The following P2RY8 variants were observed in gnomAD, a reference collection of about 807,000 sequenced individuals.
P2RY8 encodes P2Y receptor family member 8.
A neutral mutation model predicts 10.0 loss-of-function variants in P2RY8; 6 were observed. The ratio of observed to expected loss-of-function variants is 0.60; its 90% confidence interval spans 0.33 to 1.19. The LOEUF (loss-of-function observed/expected upper bound fraction) is 1.19. Among genes scored for constraint, P2RY8 ranks in the 50% most tolerant of loss-of-function variants. P2RY8 has a pLI of 0.04. For synonymous variants in P2RY8, 276 were observed against 252.5 expected (o/e 1.09, Z -0.88); for missense variants, 456 against 542.0 (o/e 0.84, Z 1.58).
rs2091619206 is a variant in P2RY8, at chrX:1,463,655, T to G, written c.*1824A>C. The G allele has an allele frequency of 4.3e-6, 1 of 231,896 alleles. No individual in the cohort carries two copies. Among genetic ancestry groups the G allele is most frequent in the Non-Finnish European group, 8.5e-6 (1 of 117,430 alleles). 14.4% of individuals were successfully genotyped at this position (231,896 alleles called of 1,614,324 possible). Reference sequence around the variant, plus strand: ...TCTGGGCTTTAAAACAAGACATGTCTTTCTGGGGCAACTGTTTAGTGCACT... The same window carrying G: ...TCTGGGCTTTAAAACAAGACATGTCGTTCTGGGGCAACTGTTTAGTGCACT... On this transcript the variant is annotated 3_prime_UTR_variant, in exon 2 of 2. Coordinates refer to ENST00000381297, the MANE Select transcript of P2RY8 (RefSeq NM_178129.5).
rs774686262 is a variant in P2RY8, at chrX:1,466,099, C to A, written c.460G>T (p.Ala154Ser). Residue 154 changes from alanine to serine, a missense_variant, in exon 2 of 2, where the codon GCC (alanine) becomes TCC (serine). By Grantham distance (99) the Ala-to-Ser change is moderately conservative (BLOSUM62 1). Transcript: ENST00000381297. Reference sequence around the variant, plus strand: ...TCGGTGCGCGCCAGCGGGGACAGGGCGGTCAGGAGCAGCAGCCAGGTCCCT... The same window carrying A: ...TCGGTGCGCGCCAGCGGGGACAGGGAGGTCAGGAGCAGCAGCCAGGTCCCT... Reference protein sequence around the residue: ...CAGTWLLLLTALSPLARTDLT... With the variant: ...CAGTWLLLLTSLSPLARTDLT... 3.1e-6 allele frequency: 5 copies of A among 1,611,570 alleles called. No individual in the cohort carries two copies. Among genetic ancestry groups the A allele is most frequent in the South Asian group, 1.1e-5 (1 of 90,968 alleles).
In P2RY8 at chrX:1,532,411, TATG is replaced by T. The variant is rs1367631844; in HGVS notation, c.-25+4507_-25+4509del. Among the ~76,000 whole-genome samples the T allele has an allele frequency of 4.4e-5, 6 of 135,260 alleles. 1 individual carries two copies. The highest frequency in any genetic ancestry group is 1.5e-4 in the African/African-American group (6 of 39,642). The allele number at this position is 135,260 out of a possible 152,430, so 88.7% of individuals were successfully genotyped here. ...ATATGCACATATATGTATATATGTA[TATG>T]ATGTGTATATATACACATATATGTA... On this transcript the variant is annotated intron_variant, in intron 1 of 1. Coordinates refer to ENST00000381297, the MANE Select transcript of P2RY8 (RefSeq NM_178129.5).
chrX:1,522,756 G>C (rs1348695802), intron 1 of P2RY8, among the ~76,000 whole-genome samples: 4 of 151,920 alleles, frequency 2.6e-5, no homozygotes, highest in African/African-American at 9.7e-5. Context: ...GGGCAACAGA[G>C]CAAGACTCTG....
At chrX:1,531,698 A>G (rs1188728640) in intron 1 of P2RY8, among the ~76,000 whole-genome samples, 2 of 152,120 alleles carry the variant, frequency 1.3e-5, no homozygotes, top group Non-Finnish European at 2.9e-5. Flanking sequence ...CTGCTTCCAC[A>G]AAGTCCCTCT....
intron 1 of P2RY8, among the ~76,000 whole-genome samples, chrX:1,530,393 T>C (rs1261727050): frequency 1.3e-5 from 2 of 151,782 alleles, no homozygotes; most frequent in African/African-American, 4.8e-5. Flanking sequence ...CTATCATCTA[T>C]CTCTCTAATC....
chrX:1,484,021 C>G (rs1274722750), intron 1 of P2RY8, among the ~76,000 whole-genome samples: 1 of 150,520 alleles, frequency 6.6e-6, no homozygotes, highest in Non-Finnish European at 1.5e-5. Flanking sequence ...CAACTCAAAG[C>G]TGGGCTCCCT....
intron 1 of P2RY8, among the ~76,000 whole-genome samples, chrX:1,508,406 G>A (rs1356860160): frequency 1.2e-4 from 18 of 152,130 alleles, no homozygotes; most frequent in Admixed American, 9.8e-4. Context: ...TACACTGCAC[G>A]GGACGGCCCT....
chrX:1,470,357 CA>C (rs1195352051), intron 1 of P2RY8, among the ~76,000 whole-genome samples: 1 of 151,822 alleles, frequency 6.6e-6, no homozygotes, highest in Non-Finnish European at 1.5e-5. Context: ...ACTAAAAATA[CA>C]AAAAAAATTA....
intron 1 of P2RY8, among the ~76,000 whole-genome samples, chrX:1,522,661 C>T (rs1481582037): frequency 6.6e-6 from 1 of 152,090 alleles, no homozygotes; most frequent in Non-Finnish European, 1.5e-5. Context: ...ATCCCAGCTA[C>T]TTGGGAGGCT....
intron 1 of P2RY8, among the ~76,000 whole-genome samples, chrX:1,514,323 T>C (rs1170118255): frequency 7.2e-6 from 1 of 139,446 alleles, no homozygotes; most frequent in Non-Finnish European, 1.6e-5. Context: ...TCCTTTCCTT[T>C]CCATTTCTTT....
Position 1,464,274 on chromosome X carries a change from AC to A in P2RY8, c.*1204del, listed in dbSNP as rs1465686763. On this transcript the variant is annotated 3_prime_UTR_variant, in exon 2 of 2. Transcript: ENST00000381297. ...GAGTCAGAGCTCTTCTTTGCGCTAA[AC>A]CAGCTCAGGTGTTGGGGCTGGTGCA... The A allele has an allele frequency of 5.6e-5, 13 of 233,338 alleles. 1 individual carries two copies. The highest frequency in any genetic ancestry group is 1.0e-4 in the Non-Finnish European group (12 of 118,088). The allele number at this position is 233,338 out of a possible 1,614,324, so 14.5% of individuals were successfully genotyped here.
chrX:1,527,436 A>G (rs1227899869), intron 1 of P2RY8, among the ~76,000 whole-genome samples: 1 of 151,882 alleles, frequency 6.6e-6, no homozygotes, highest in Non-Finnish European at 1.5e-5. Context: ...TCATTCATTC[A>G]TTTATTCCTT....
intron 1 of P2RY8, among the ~76,000 whole-genome samples, chrX:1,477,490 A>G (rs1452086163): frequency 1.3e-5 from 2 of 152,234 alleles, no homozygotes; most frequent in African/African-American, 4.8e-5. Flanking sequence ...TCAGTTATCT[A>G]TTAATTACAT....
chrX:1,469,999 A>G (rs1376752655), intron 1 of P2RY8, among the ~76,000 whole-genome samples: 36 of 152,288 alleles, frequency 2.4e-4, no homozygotes, highest in Admixed American at 2.3e-3. Context: ...AATGGTTTTT[A>G]ATATATTCAC....
At position 1,466,160 on chromosome X, in the gene P2RY8, G is replaced by A. The variant is rs1167925415; in HGVS notation, c.399C>T (p.Arg133=). 1 of 1,612,042 alleles carries A rather than the reference G, an allele frequency of 6.2e-7. No individual in the cohort carries two copies. Among genetic ancestry groups the A allele is most frequent in the Admixed American group, 1.7e-5 (1 of 59,612 alleles). Residue 133 remains arginine (R), a synonymous_variant, in exon 2 of 2, where the codon CGC becomes CGT. Transcript: ENST00000381297. ...LGVLYPLSSK[R]WRRRRYAVAA... is the part of the protein sequence containing the mutation. Reference sequence around the variant, plus strand: ...CCACCGCGTAACGACGGCGGCGCCAGCGCTTGGAGCTGAGCGGGTACAGGA... The same window carrying A: ...CCACCGCGTAACGACGGCGGCGCCAACGCTTGGAGCTGAGCGGGTACAGGA...
Position 1,517,846 on chromosome X carries a change from C to T in P2RY8, c.-25+19075G>A, listed in dbSNP as rs1224192098. 7.2e-5 allele frequency among the ~76,000 whole-genome samples: 11 copies of T among 152,152 alleles called. No individual in the cohort carries two copies. In the South Asian group the frequency reaches 2.3e-3, roughly 32 times the overall value. ...TCTCTCGGCCACACGCGGTGGCTCACGCCTGTCATTCCAGCGCTTTAAGAG... is the reference window on the plus strand; with the variant it reads ...TCTCTCGGCCACACGCGGTGGCTCATGCCTGTCATTCCAGCGCTTTAAGAG... On this transcript the variant is annotated intron_variant, in intron 1 of 1. Coordinates refer to ENST00000381297, the MANE Select transcript of P2RY8 (RefSeq NM_178129.5).
chrX:1,495,347 T>C (rs1487768050), intron 1 of P2RY8, among the ~76,000 whole-genome samples: 1 of 152,170 alleles, frequency 6.6e-6, no homozygotes, highest in East Asian at 1.9e-4. Context: ...AGGTTACCTC[T>C]TTAAAGAGTT....
intron 1 of P2RY8, among the ~76,000 whole-genome samples, chrX:1,518,534 C>T (rs2092368400): frequency 6.6e-6 from 1 of 151,144 alleles, no homozygotes; most frequent in Non-Finnish European, 1.5e-5. Flanking sequence ...CCAAAAGCTC[C>T]CTAGTCCCCC....
intron 1 of P2RY8, among the ~76,000 whole-genome samples, chrX:1,522,637 G>T (rs189731048): frequency 6.6e-6 from 1 of 152,088 alleles, no homozygotes; most frequent in Non-Finnish European, 1.5e-5. Context: ...AGCCGGGCGT[G>T]GTCAGTGCCT....
Sources: gnomAD v4.1 joint callset for allele counts (sites outside exome capture counted in the v4.1 genomes callset) on GRCh38, gnomAD v4.1.1 for gene constraint, MANE v1.5 for transcripts, NCBI Gene and HGNC (gene_info 2026-07-23, HGNC 2026-07-21) for gene names.